TGFB2: variants seen among roughly 807,000 people sequenced by gnomAD.
TGFB2 encodes the protein transforming growth factor beta-2 proprotein.
TGFB2 carries 13 observed loss-of-function variants against 42.7 expected under a neutral mutation model. The ratio of observed to expected loss-of-function variants is 0.30; its 90% confidence interval spans 0.20 to 0.48. The LOEUF (loss-of-function observed/expected upper bound fraction) is 0.48, where lower values mean the gene tolerates loss of function less well. TGFB2 is among the 20% of genes least tolerant of loss of function. The pLI is 0.99. For missense variants in TGFB2, 390 were observed against 517.5 expected, an observed-to-expected ratio of 0.75 and a Z score of 2.39; for synonymous variants, 193 against 193.6, an observed-to-expected ratio of 1.00 and a Z score of 0.03.
intron 1 of TGFB2, among the ~76,000 whole-genome samples, chr1:218,361,002 G>A (rs962348750): frequency 2.0e-5 from 3 of 152,152 alleles, no homozygotes; most frequent in African/African-American, 7.2e-5. Flanking sequence ...CTACAGGCAC[G>A]TGGCACCACA....
chr1:218,396,797 G>T (rs973213317), intron 1 of TGFB2, among the ~76,000 whole-genome samples: 1 of 151,998 alleles, frequency 6.6e-6, no homozygotes, highest in African/African-American at 2.4e-5. Flanking sequence ...AGACTTTTAG[G>T]GACTTCAACC....
intron 1 of TGFB2, among the ~76,000 whole-genome samples, chr1:218,373,264 G>T (rs1447567128): frequency 6.6e-6 from 1 of 152,122 alleles, no homozygotes; most frequent in Non-Finnish European, 1.5e-5. Flanking sequence ...TAATAAAACT[G>T]TGTGGCTGTG....
Position 218,442,277 on chromosome 1 carries a change from A to G in TGFB2, c.*915A>G, listed in dbSNP as rs1660179256. On this transcript the variant is annotated 3_prime_UTR_variant, in exon 7 of 7. Coordinates refer to ENST00000366930, the MANE Select transcript of TGFB2 (RefSeq NM_003238.6). ...AAATATTGCTGTATAGCTATGCTAT[A>G]GGTTTTTTCCTTTGTTTTGGTATAT... 6.6e-6 allele frequency: 1 copy of G among 152,128 alleles called. No homozygotes were observed. Among genetic ancestry groups the G allele is most frequent in the Non-Finnish European group, 1.5e-5 (1 of 68,012 alleles). The allele number at this position is 152,128 out of a possible 1,614,324, so 9.4% of individuals were successfully genotyped here.
At chr1:218,424,290 G>A (rs72738830) in intron 2 of TGFB2, among the ~76,000 whole-genome samples, 29,603 of 152,196 alleles carry the variant, frequency 0.19, 3,854 homozygotes, top group East Asian at 0.55. Flanking sequence ...CCGAAGAGTA[G>A]CTTATACATT....
chr1:218,355,316 T>C (rs1275969899), intron 1 of TGFB2, among the ~76,000 whole-genome samples: 1 of 152,190 alleles, frequency 6.6e-6, no homozygotes, highest in Non-Finnish European at 1.5e-5. Flanking sequence ...TGATATACAA[T>C]GAGCATGATG....
At chr1:218,366,823 G>A (rs1657402385) in intron 1 of TGFB2, among the ~76,000 whole-genome samples, 1 of 152,180 alleles carries the variant, frequency 6.6e-6, no homozygotes, top group African/African-American at 2.4e-5. Context: ...ATGCACATCT[G>A]TTTACTCAGT....
In TGFB2 at chr1:218,404,018, C is replaced by G. The variant is rs560872326; in HGVS notation, c.347-1151C>G. ...GGACCTGCTCTGGTCTTTGTATAGC[C>G]TCAGTTGCATATTCAAAGACATTGG... On this transcript the variant is annotated intron_variant, in intron 1 of 6. Transcript: ENST00000366930. Among the ~76,000 whole-genome samples, 4 of 146,502 alleles carry G rather than the reference C, an allele frequency of 2.7e-5. No individual in the cohort carries two copies. In the South Asian group the frequency reaches 8.6e-4, roughly 31 times the overall value.
At chr1:218,348,252 C>A (rs1006192310) in intron 1 of TGFB2, among the ~76,000 whole-genome samples, 1 of 152,146 alleles carries the variant, frequency 6.6e-6, no homozygotes, top group African/African-American at 2.4e-5. Flanking sequence ...TTCTCTCCTC[C>A]CCTTTCCATG....
At chr1:218,433,643 C>T (rs947727839) in intron 2 of TGFB2, among the ~76,000 whole-genome samples, 1 of 152,156 alleles carries the variant, frequency 6.6e-6, no homozygotes, top group African/African-American at 2.4e-5. Context: ...TAATTCAGGG[C>T]CTTTGAGAGT....
At chr1:218,389,364 A>G (rs564490167) in intron 1 of TGFB2, among the ~76,000 whole-genome samples, 46 of 152,166 alleles carry the variant, frequency 3.0e-4, no homozygotes, top group Non-Finnish European at 6.2e-4. Flanking sequence ...CAGATTCAGT[A>G]TCTGTGCTTG....
At chr1:218,362,540 G>A (rs899331101) in intron 1 of TGFB2, among the ~76,000 whole-genome samples, 4 of 152,282 alleles carry the variant, frequency 2.6e-5, no homozygotes, top group East Asian at 3.9e-4. Context: ...CAGAACAGGG[G>A]TTTGAATTAA....
intron 1 of TGFB2, among the ~76,000 whole-genome samples, chr1:218,354,374 T>C (rs577285826): frequency 6.6e-6 from 1 of 152,336 alleles, no homozygotes; most frequent in South Asian, 2.1e-4. Flanking sequence ...CCATAATATT[T>C]TCTGTTTCCA....
intron 1 of TGFB2, among the ~76,000 whole-genome samples, chr1:218,401,245 C>A (rs1308372268): frequency 1.3e-5 from 2 of 151,966 alleles, no homozygotes; most frequent in Non-Finnish European, 2.9e-5. Context: ...AATGTTCATA[C>A]AGTAGTATGT....
At chr1:218,380,291 C>A (rs1043913999) in intron 1 of TGFB2, among the ~76,000 whole-genome samples, 5 of 152,140 alleles carry the variant, frequency 3.3e-5, no homozygotes, top group African/African-American at 9.7e-5. Flanking sequence ...TGTTTGGGGA[C>A]GGACATTCCA....
At chr1:218,415,230 G>A (rs1039735901) in intron 2 of TGFB2, among the ~76,000 whole-genome samples, 7 of 152,180 alleles carry the variant, frequency 4.6e-5, no homozygotes, top group African/African-American at 1.7e-4. Context: ...TTGAACTGTT[G>A]TAAGAAACAG....
intron 1 of TGFB2, among the ~76,000 whole-genome samples, chr1:218,366,881 G>A (rs1016542968): frequency 2.0e-5 from 3 of 152,202 alleles, no homozygotes; most frequent in Non-Finnish European, 4.4e-5. Context: ...TGTTTGATCA[G>A]CTGGTCCTTC....
At chr1:218,429,850 A>G (rs1009647113) in intron 2 of TGFB2, among the ~76,000 whole-genome samples, 16 of 152,298 alleles carry the variant, frequency 1.1e-4, no homozygotes, top group Admixed American at 9.2e-4. Flanking sequence ...TGTCATAAGC[A>G]GGTTTAGAAA....
chr1:218,433,486 C>A (rs1659873434), intron 2 of TGFB2, among the ~76,000 whole-genome samples: 1 of 152,194 alleles, frequency 6.6e-6, no homozygotes, highest in African/African-American at 2.4e-5. Flanking sequence ...GGATGGAATA[C>A]CTTTATAAAT....
intron 1 of TGFB2, among the ~76,000 whole-genome samples, chr1:218,404,392 C>G (rs1392519063): frequency 3.9e-5 from 6 of 152,220 alleles, no homozygotes; most frequent in Non-Finnish European, 7.3e-5. Context: ...GTTGGAATTA[C>G]AGGCGTGACC....
Sources: gnomAD v4.1 joint callset for allele counts (sites outside exome capture counted in the v4.1 genomes callset) on GRCh38, gnomAD v4.1.1 for gene constraint, MANE v1.5 for transcripts, NCBI Gene and HGNC (gene_info 2026-07-23, HGNC 2026-07-21) for gene names.